MRAP2: variants seen among roughly 807,000 people sequenced by gnomAD.
MRAP2 encodes the protein melanocortin 2 receptor accessory protein 2.
In MRAP2, 20 loss-of-function variants were observed where a neutral mutation model predicts 17.4. The observed-to-expected ratio is 1.15, with a 90% CI of 0.81 to 1.67. The LOEUF (loss-of-function observed/expected upper bound fraction) is 1.67, where lower values mean the gene tolerates loss of function less well. Among genes scored for constraint, MRAP2 ranks in the 40% most tolerant of loss-of-function variants. MRAP2 has a pLI of 0.00. For missense variants in MRAP2, 238 were observed against 240.0 expected (o/e 0.99, Z 0.05); for synonymous variants, 96 against 88.4 (o/e 1.09, Z -0.48).
chr6:84,061,699 A>C, intron 2 of MRAP2: 1 of 866,750 alleles, frequency 1.2e-6, no homozygotes, highest in African/African-American at 1.8e-5. Context: ...AGCTGTGGCT[A>C]AGGTAAATAC....
At chr6:84,036,787 C>A (rs954596074) in intron 1 of MRAP2, among the ~76,000 whole-genome samples, 1 of 152,222 alleles carries the variant, frequency 6.6e-6, no homozygotes, top group Non-Finnish European at 1.5e-5. Flanking sequence ...TCACAGAGAG[C>A]TGATTGGTCC....
rs148622501 is a variant in MRAP2, at chr6:84,072,769, G to A, written c.227+9777G>A. On this transcript the variant is annotated intron_variant, in intron 3 of 3. Coordinates refer to ENST00000257776, the MANE Select transcript of MRAP2 (RefSeq NM_138409.4). ...TTGCTGCAGCTGCTGTGGGAGATGGGGGTGAGGCTCCCAGGTCAATGGAGT... is the reference window on the plus strand; with the variant it reads ...TTGCTGCAGCTGCTGTGGGAGATGGAGGTGAGGCTCCCAGGTCAATGGAGT... Among the ~76,000 whole-genome samples the A allele has an allele frequency of 5.9e-3, 903 of 152,158 alleles. 5 individuals carry two copies. Among genetic ancestry groups the A allele is most frequent in the African/African-American group, 0.021 (871 of 41,498 alleles).
At chr6:84,106,534 A>C in the MRAP2 span, among the ~76,000 whole-genome samples, 235 of 152,266 alleles carry the variant, frequency 1.5e-3, 1 homozygote, top group African/African-American at 5.2e-3. Context: ...GGCTTTTGTG[A>C]GTGGAGGTCC....
chr6:84,063,806 G>A (rs2099493780), intron 3 of MRAP2, among the ~76,000 whole-genome samples: 1 of 152,122 alleles, frequency 6.6e-6, no homozygotes, highest in Admixed American at 6.5e-5. Context: ...CAGCACTTTG[G>A]GAGGCCAAGG....
chr6:84,048,122 T>G (rs1308064684), intron 1 of MRAP2, among the ~76,000 whole-genome samples: 2 of 152,176 alleles, frequency 1.3e-5, no homozygotes, highest in African/African-American at 2.4e-5. Flanking sequence ...GTGGTTCTTT[T>G]GTATATATAT....
At chr6:84,045,605 A>G (rs956209866) in intron 1 of MRAP2, among the ~76,000 whole-genome samples, 1 of 152,168 alleles carries the variant, frequency 6.6e-6, no homozygotes, top group Non-Finnish European at 1.5e-5. Context: ...TCTCCTAAAA[A>G]TACAAAAATT....
the MRAP2 span, among the ~76,000 whole-genome samples, chr6:84,109,374 G>A: frequency 6.6e-6 from 1 of 152,000 alleles, no homozygotes; most frequent in Non-Finnish European, 1.5e-5. Flanking sequence ...AGTTTTCCTT[G>A]AAGAGGTCCT....
intron 3 of MRAP2, 35 bp from the exon 4 acceptor site, chr6:84,089,056 G>T: frequency 6.4e-7 from 1 of 1,569,494 alleles, no homozygotes. Flanking sequence ...ATGGGCTGGA[G>T]TGTAAGCAGT....
chr6:84,058,933 G>T (rs940916673), intron 2 of MRAP2, among the ~76,000 whole-genome samples: 3 of 152,258 alleles, frequency 2.0e-5, no homozygotes, highest in African/African-American at 7.2e-5. Context: ...GGGGGTAAAA[G>T]GTTGATGGAA....
At chr6:84,084,931 A>AT (rs2099499987) in intron 3 of MRAP2, among the ~76,000 whole-genome samples, 2 of 101,646 alleles carry the variant, frequency 2.0e-5, no homozygotes, top group Admixed American at 1.8e-4. Context: ...ATTTTATTTT[A>AT]CTTTATTTTA....
At chr6:84,072,840 T>C (rs985254900) in intron 3 of MRAP2, among the ~76,000 whole-genome samples, 4 of 151,950 alleles carry the variant, frequency 2.6e-5, no homozygotes, top group Admixed American at 6.6e-5. Flanking sequence ...GTCATGCAGG[T>C]TGTCAGGGAA....
chr6:84,100,602 T>C, the MRAP2 span, among the ~76,000 whole-genome samples: 7 of 152,336 alleles, frequency 4.6e-5, no homozygotes, highest in African/African-American at 1.4e-4. Context: ...TTACACCCTG[T>C]TCTCCCTAAA....
intron 3 of MRAP2, chr6:84,063,230 C>T (rs2099493645): frequency 2.0e-6 from 2 of 985,196 alleles, no homozygotes; most frequent in Non-Finnish European, 1.2e-6. Flanking sequence ...TTGGTCCTTT[C>T]CTACAGTCTT....
intron 3 of MRAP2, 29 bp downstream of exon 3, chr6:84,063,021 T>G (rs1435190625): frequency 1.2e-6 from 2 of 1,613,790 alleles, no homozygotes; most frequent in East Asian, 2.2e-5. Context: ...TAAATGTCTC[T>G]TAAGCCTCAC....
At chr6:84,037,643 G>A (rs1428432237) in intron 1 of MRAP2, among the ~76,000 whole-genome samples, 3 of 152,194 alleles carry the variant, frequency 2.0e-5, no homozygotes, top group Non-Finnish European at 4.4e-5. Flanking sequence ...AGGCGGCTGA[G>A]GCCCGGTGAG....
chr6:84,044,796 G>A (rs961262743), intron 1 of MRAP2, among the ~76,000 whole-genome samples: 6 of 152,276 alleles, frequency 3.9e-5, no homozygotes, highest in East Asian at 1.9e-4. Context: ...TTGGGTGTGG[G>A]GACACAATTC....
At chr6:84,059,025 A>G (rs1160069619) in intron 2 of MRAP2, among the ~76,000 whole-genome samples, 1 of 152,176 alleles carries the variant, frequency 6.6e-6, no homozygotes, top group Non-Finnish European at 1.5e-5. Flanking sequence ...TATAAAGGGA[A>G]GGAGAGGAAT....
chr6:84,044,385 C>A (rs1252615353), intron 1 of MRAP2, among the ~76,000 whole-genome samples: 2 of 152,224 alleles, frequency 1.3e-5, no homozygotes, highest in African/African-American at 4.8e-5. Flanking sequence ...CGAGGTTTCT[C>A]CATGTTGGTC....
the MRAP2 span, among the ~76,000 whole-genome samples, chr6:84,108,569 T>C: frequency 2.0e-5 from 3 of 152,312 alleles, no homozygotes; most frequent in South Asian, 6.2e-4. Context: ...TTATAGATGC[T>C]GGATATTAGA....
Sources: allele counts gnomAD v4.1 joint callset (sites outside exome capture counted in the v4.1 genomes callset), GRCh38; gene constraint gnomAD v4.1.1; transcripts MANE v1.5; gene names NCBI Gene and HGNC (gene_info 2026-07-23, HGNC 2026-07-21).